The following TENM2 variants were observed in gnomAD, a reference collection of about 807,000 sequenced individuals.
TENM2 encodes the protein teneurin transmembrane protein 2.
TENM2 carries 52 observed loss-of-function variants against 245.2 expected under a neutral mutation model. The ratio of observed to expected loss-of-function variants is 0.21; its 90% CI spans 0.17 to 0.27. TENM2 has a LOEUF of 0.27. TENM2 is among the 10% of genes least tolerant of loss of function. TENM2 has a pLI of 1.00. For synonymous variants in TENM2, 1,363 were observed against 1,438.9 expected (o/e 0.95, Z 1.19); for missense variants, 3,046 against 3,666.8 (o/e 0.83, Z 4.37).
intron 2 of TENM2, among the ~76,000 whole-genome samples, chr5:167,801,106 AAAAATATATATAT>A (rs1200729101): frequency 8.3e-4 from 54 of 64,832 alleles, no homozygotes; most frequent in East Asian, 5.0e-3. Context: ...AAAAAAAAAA[AAAAATATATATAT>A]ATATATATAT....
chr5:168,174,038 T>C (rs527602440), intron 13 of TENM2, among the ~76,000 whole-genome samples: 10 of 152,292 alleles, frequency 6.6e-5, no homozygotes, highest in African/African-American at 2.2e-4. Context: ...GGGGTTTGCG[T>C]GCAGTGCTGG....
chr5:167,929,067 AAGAAAGAAAGAAAG>A (rs1778026931), intron 3 of TENM2, among the ~76,000 whole-genome samples: 2 of 12,486 alleles, frequency 1.6e-4, no homozygotes, highest in Admixed American at 7.8e-4. Context: ...GAGAGAAAGA[AAGAAAGAAAGAAAG>A]AAAGAAAGAA....
chr5:167,825,878 A>AC (rs1342604880), intron 2 of TENM2, among the ~76,000 whole-genome samples: 6 of 151,934 alleles, frequency 3.9e-5, no homozygotes, highest in Admixed American at 6.6e-5. Context: ...AAAAAAAAAA[A>AC]AACAACTGTG....
intron 27 of TENM2, among the ~76,000 whole-genome samples, chr5:168,253,666 T>G (rs6876164): frequency 6.6e-6 from 1 of 150,758 alleles, no homozygotes; most frequent in Non-Finnish European, 1.5e-5. Flanking sequence ...ACCTTGTGAT[T>G]CGCCCGCCTC....
At chr5:167,628,870 C>T (rs1778686425) in intron 2 of TENM2, among the ~76,000 whole-genome samples, 1 of 152,106 alleles carries the variant, frequency 6.6e-6, no homozygotes, top group South Asian at 2.1e-4. Flanking sequence ...TTCTTTATTA[C>T]TCATTGACTT....
chr5:168,190,036 T>C (rs1242238507), intron 13 of TENM2, among the ~76,000 whole-genome samples: 10 of 152,212 alleles, frequency 6.6e-5, no homozygotes, highest in Non-Finnish European at 1.5e-4. Flanking sequence ...ACTCAAATAA[T>C]ACGTGTTCAT....
At chr5:167,771,058 A>G (rs900069364) in intron 2 of TENM2, among the ~76,000 whole-genome samples, 1 of 152,150 alleles carries the variant, frequency 6.6e-6, no homozygotes, top group Non-Finnish European at 1.5e-5. Context: ...AGAGAATAAA[A>G]GAAGAAAGGA....
intron 2 of TENM2, among the ~76,000 whole-genome samples, chr5:167,458,171 T>G (rs1340446243): frequency 6.6e-6 from 1 of 152,076 alleles, no homozygotes; most frequent in Non-Finnish European, 1.5e-5. Flanking sequence ...CTGGTAATTT[T>G]TATCATTTGT....
the TENM2 span, among the ~76,000 whole-genome samples, chr5:167,169,976 A>G: frequency 6.6e-6 from 1 of 152,214 alleles, no homozygotes; most frequent in East Asian, 1.9e-4. Flanking sequence ...AGATGGCAGG[A>G]TACCACTGAC....
intron 2 of TENM2, among the ~76,000 whole-genome samples, chr5:167,854,993 G>C (rs1420897009): frequency 6.6e-6 from 1 of 152,128 alleles, no homozygotes; most frequent in African/African-American, 2.4e-5. Context: ...AACAAAAGTG[G>C]CTTTGCTAAA....
chr5:168,098,271 A>G (rs1793530610), intron 9 of TENM2, 144 bp downstream of exon 11: 3 of 646,104 alleles, frequency 4.6e-6, no homozygotes, highest in Non-Finnish European at 8.3e-6. Context: ...AGAAGGCATA[A>G]GCCTTCGTAA....
intron 2 of TENM2, among the ~76,000 whole-genome samples, chr5:167,714,981 C>A (rs1039501562): frequency 6.6e-6 from 1 of 152,062 alleles, no homozygotes; most frequent in Non-Finnish European, 1.5e-5. Flanking sequence ...TTTTTAGGTT[C>A]TTTAAATGGA....
intron 1 of TENM2, among the ~76,000 whole-genome samples, chr5:167,309,122 T>C (rs929358605): frequency 6.6e-6 from 1 of 152,098 alleles, no homozygotes; most frequent in Admixed American, 6.5e-5. Context: ...CACCTTCCTA[T>C]AGAATGATCC....
intron 2 of TENM2, among the ~76,000 whole-genome samples, chr5:167,448,648 GC>G (rs1186598945): frequency 6.6e-6 from 1 of 151,262 alleles, no homozygotes; most frequent in Non-Finnish European, 1.5e-5. Flanking sequence ...GCACCAGGAA[GC>G]AATACATACT....
At chr5:167,565,242 T>A (rs4869058) in intron 2 of TENM2, among the ~76,000 whole-genome samples, 88,229 of 152,140 alleles carry the variant, frequency 0.58, 26,430 homozygotes, top group East Asian at 0.7. Context: ...TGTCATAATA[T>A]AGTAAATGAG....
At chr5:167,384,736 A>C (rs536996572) in intron 2 of TENM2, among the ~76,000 whole-genome samples, 4 of 152,212 alleles carry the variant, frequency 2.6e-5, no homozygotes, top group Non-Finnish European at 4.4e-5. Context: ...ACACGTTTGG[A>C]TGGAAAGTAA....
chr5:167,549,586 A>T (rs994360656), intron 2 of TENM2, among the ~76,000 whole-genome samples: 1 of 152,156 alleles, frequency 6.6e-6, no homozygotes, highest in Non-Finnish European at 1.5e-5. Context: ...GAGGACCTAA[A>T]GTGTCCCTCT....
At chr5:168,230,770 G>A (rs918056171) in intron 25 of TENM2, 3 of 152,210 alleles carry the variant, frequency 2.0e-5, no homozygotes, top group African/African-American at 7.2e-5. Context: ...AGACTCTAGA[G>A]AGATAAAGAA....
At chr5:168,232,131 C>G (rs1039499458) in intron 25 of TENM2, among the ~76,000 whole-genome samples, 22 of 152,058 alleles carry the variant, frequency 1.4e-4, no homozygotes, top group Admixed American at 2.6e-4. Flanking sequence ...GAGAAGGGGA[C>G]AAGATAGATG....
Sources: gnomAD v4.1 joint callset for allele counts (sites outside exome capture counted in the v4.1 genomes callset) on GRCh38, gnomAD v4.1.1 for gene constraint, MANE v1.5 for transcripts, NCBI Gene and HGNC (gene_info 2026-07-23, HGNC 2026-07-21) for gene names.